The following KAZN variants were observed in gnomAD, a reference collection of about 807,000 sequenced individuals.
KAZN encodes kazrin.
KAZN carries 40 observed loss-of-function variants against 87.4 expected under a neutral mutation model. The observed-to-expected ratio is 0.46, with a 90% CI of 0.36 to 0.60. The LOEUF is 0.60. Among genes scored for constraint, KAZN ranks in the 20% least tolerant of loss-of-function variants. The probability of loss-of-function intolerance (pLI) is 0.00; values close to 1 mark genes in which losing one functional copy is unlikely to be tolerated. For synonymous variants in KAZN, 466 were observed against 458.3 expected (o/e 1.02, Z -0.22); for missense variants, 898 against 1,073.9 (o/e 0.84, Z 2.29).
chr1:14,595,368 A>G (rs1676428770), upstream of KAZN, among the ~76,000 whole-genome samples: 1 of 152,006 alleles, frequency 6.6e-6, no homozygotes, highest in African/African-American at 2.4e-5. Flanking sequence ...GAGCGGTGGT[A>G]AAGCCTGGGG....
At chr1:14,498,241 C>T (rs1030523585) in intron 2 of KAZN, among the ~76,000 whole-genome samples, 2 of 152,354 alleles carry the variant, frequency 1.3e-5, no homozygotes, top group Admixed American at 6.5e-5. Flanking sequence ...GCTCAAAGGA[C>T]TCGTTCCTCC....
intron 2 of KAZN, among the ~76,000 whole-genome samples, chr1:14,966,675 T>C (rs1020423739): frequency 1.3e-5 from 2 of 152,104 alleles, no homozygotes; most frequent in South Asian, 2.1e-4. Context: ...TTACCCACGT[T>C]TTTTTTTCTT....
chr1:15,054,182 A>G (rs1281513166), intron 4 of KAZN, among the ~76,000 whole-genome samples: 1 of 152,102 alleles, frequency 6.6e-6, no homozygotes, highest in Non-Finnish European at 1.5e-5. Flanking sequence ...TGGAGAGATT[A>G]GATGGATTTT....
intron 1 of KAZN, chr1:14,924,624 A>G: frequency 1.0e-6 from 1 of 958,580 alleles, no homozygotes; most frequent in Non-Finnish European, 1.2e-6. Flanking sequence ...CAGGCCCAGG[A>G]GCCGCCGGGG....
At chr1:14,535,188 C>A (rs1436832127) in intron 2 of KAZN, among the ~76,000 whole-genome samples, 1 of 152,234 alleles carries the variant, frequency 6.6e-6, no homozygotes, top group East Asian at 1.9e-4. Flanking sequence ...GTATTTCTCT[C>A]ACCAGCATTA....
At chr1:14,457,318 T>G (rs914651569) in intron 2 of KAZN, among the ~76,000 whole-genome samples, 11 of 152,202 alleles carry the variant, frequency 7.2e-5, no homozygotes, top group African/African-American at 2.7e-4. Context: ...AGAGTTTCTC[T>G]TCTCTAAAAT....
chr1:14,879,709 G>C (rs1180264885), intron 1 of KAZN, among the ~76,000 whole-genome samples: 1 of 152,176 alleles, frequency 6.6e-6, no homozygotes, highest in Non-Finnish European at 1.5e-5. Flanking sequence ...GCTCCAGAAT[G>C]AAGGCTTCGA....
At chr1:14,921,005 T>C (rs952232748) in intron 1 of KAZN, among the ~76,000 whole-genome samples, 3 of 152,112 alleles carry the variant, frequency 2.0e-5, no homozygotes, top group Admixed American at 6.5e-5. Flanking sequence ...ACTGCCACCG[T>C]GGCCACAGAC....
At chr1:14,187,216 G>A (rs1408873304) in intron 2 of KAZN, among the ~76,000 whole-genome samples, 2 of 152,002 alleles carry the variant, frequency 1.3e-5, no homozygotes, top group African/African-American at 2.4e-5. Context: ...TGCTTCCTGA[G>A]GGGTTATTAA....
At position 14,659,005 on chromosome 1, in the gene KAZN, G is replaced by A. The variant is rs146349180; in HGVS notation, c.226+59782G>A. Among the ~76,000 whole-genome samples, 755 of 152,242 alleles carry A rather than the reference G, an allele frequency of 5.0e-3. 3 individuals are homozygous for A. Among genetic ancestry groups the A allele is most frequent in the African/African-American group, 0.014 (578 of 41,548 alleles). ...TGTAATCTCAGCACTTCAAGAGGCCGAGGTGGGAGGATCACATGAGGCCAC... is the reference window on the plus strand; with the variant it reads ...TGTAATCTCAGCACTTCAAGAGGCCAAGGTGGGAGGATCACATGAGGCCAC... On this transcript the variant is annotated intron_variant, in intron 1 of 14. Transcript: ENST00000376030.
intron 1 of KAZN, among the ~76,000 whole-genome samples, chr1:14,169,998 A>T (rs966510547): frequency 2.6e-5 from 4 of 152,160 alleles, no homozygotes; most frequent in African/African-American, 9.6e-5. Context: ...AGGCTGTGGC[A>T]GGCTGGACCT....
intron 2 of KAZN, among the ~76,000 whole-genome samples, chr1:15,026,270 G>C (rs1486641702): frequency 6.6e-6 from 1 of 152,216 alleles, no homozygotes; most frequent in Non-Finnish European, 1.5e-5. Context: ...AGCACCTGCT[G>C]TATGCAGCTG....
chr1:14,176,572 T>C (rs1240995561), intron 1 of KAZN, among the ~76,000 whole-genome samples: 1 of 152,138 alleles, frequency 6.6e-6, no homozygotes, highest in Non-Finnish European at 1.5e-5. Context: ...CCATATTCTT[T>C]CTAGTCCATC....
chr1:14,392,438 G>A (rs7549457), intron 2 of KAZN, among the ~76,000 whole-genome samples: 42,744 of 151,844 alleles, frequency 0.28, 6,656 homozygotes, highest in African/African-American at 0.41. Context: ...CTAGTTGGCC[G>A]GTCAGTCTTC....
chr1:14,540,657 A>AAG (rs1672755493), intron 2 of KAZN, among the ~76,000 whole-genome samples: 3 of 152,214 alleles, frequency 2.0e-5, no homozygotes, highest in Non-Finnish European at 4.4e-5. Context: ...AAAAAGAGTT[A>AAG]CCAAGTAAGC....
At chr1:15,079,180 G>A (rs1639889147) in intron 8 of KAZN, among the ~76,000 whole-genome samples, 1 of 152,152 alleles carries the variant, frequency 6.6e-6, no homozygotes. Context: ...GATTCACCAG[G>A]CAGGGTCTCC....
chr1:13,922,838 A>G (rs1488753243), intron 1 of KAZN, among the ~76,000 whole-genome samples: 3 of 152,046 alleles, frequency 2.0e-5, no homozygotes, highest in Admixed American at 2.0e-4. Flanking sequence ...GTTTTTTCTT[A>G]CTTTTGGTTG....
At chr1:14,426,747 C>T (rs1284994235) in intron 2 of KAZN, among the ~76,000 whole-genome samples, 1 of 152,136 alleles carries the variant, frequency 6.6e-6, no homozygotes, top group Non-Finnish European at 1.5e-5. Flanking sequence ...CCATCCAGTG[C>T]CTCCCAAGCT....
chr1:14,230,470 G>C (rs1647711998), intron 2 of KAZN, among the ~76,000 whole-genome samples: 1 of 152,150 alleles, frequency 6.6e-6, no homozygotes, highest in South Asian at 2.1e-4. Flanking sequence ...GAAAAAATCT[G>C]TGATTTAGAA....
Sources: gnomAD v4.1 joint callset for allele counts (sites outside exome capture counted in the v4.1 genomes callset) on GRCh38, gnomAD v4.1.1 for gene constraint, MANE v1.5 for transcripts, NCBI Gene and HGNC (gene_info 2026-07-23, HGNC 2026-07-21) for gene names.